GALNS: variants seen among roughly 807,000 people sequenced by gnomAD.
GALNS encodes galactosamine (N-acetyl)-6-sulfatase.
GALNS carries 65 observed loss-of-function variants against 65.9 expected under a neutral mutation model. The ratio of observed to expected loss-of-function variants is 0.99; its 90% CI spans 0.81 to 1.21. The LOEUF (loss-of-function observed/expected upper bound fraction) is 1.21, where lower values mean the gene tolerates loss of function less well. GALNS is among the 50% of genes most tolerant of loss of function. GALNS has a pLI of 0.00. For synonymous variants in GALNS, 346 were observed against 288.9 expected (o/e 1.20, Z -2.00); for missense variants, 776 against 700.7 (o/e 1.11, Z -1.21).
chr16:88,841,633 G>A (rs1334646492), intron 3 of GALNS, among the ~76,000 whole-genome samples: 1 of 152,222 alleles, frequency 6.6e-6, no homozygotes, highest in Non-Finnish European at 1.5e-5. Context: ...CACCCGCCTG[G>A]GGAGTGGGAG....
rs777768649 is a variant in GALNS, at chr16:88,841,036, C to T, written c.378G>A (p.Glu126=). 6.8e-6 allele frequency: 11 copies of T among 1,613,248 alleles called. No homozygotes were observed. Among genetic ancestry groups the T allele is most frequent in the Middle Eastern group, 1.6e-4 (1 of 6,062 alleles). The change falls in exon 4 of 14, where the codon GAG becomes GAA. Residue 126 remains glutamate (E), a synonymous_variant. Coordinates refer to ENST00000268695, the MANE Select transcript of GALNS (RefSeq NM_000512.5). The stretch of plus-strand genomic sequence containing the variant: ...TGACGTAGCCGGCCTTCTTCAGAAG[C>T]TCCGGCAGGAGCTGCTCCGAGTCTG... ...GIPDSEQLLP[E]LLKKAGYVSK...
intron 13 of GALNS, among the ~76,000 whole-genome samples, chr16:88,817,573 T>G (rs1285613848): frequency 1.3e-5 from 2 of 152,162 alleles, no homozygotes; most frequent in Admixed American, 6.5e-5. Context: ...CGTTCCTGCC[T>G]CGGTGCCTTC....
In GALNS at chr16:88,856,799, C is replaced by T. The variant is rs200727146; in HGVS notation, c.79G>A (p.Ala27Thr). 6.5e-7 allele frequency: 1 copy of T among 1,537,560 alleles called. No individual in the cohort carries two copies. Among genetic ancestry groups the T allele is most frequent in the Non-Finnish European group, 8.7e-7 (1 of 1,152,922 alleles). Reference sequence around the variant, plus strand: ...AGCAGGATGTTGGGGGGCTGCGGGGCGCCCGAGGCCCCCATCCCCGCGGCG... The same window carrying T: ...AGCAGGATGTTGGGGGGCTGCGGGGTGCCCGAGGCCCCCATCCCCGCGGCG... ...LSAAGMGASG[A>T]PQPPNILLLL... The change falls in exon 1 of 14, where the codon GCC becomes ACC. Residue 27 changes from alanine to threonine, a missense_variant. Coordinates refer to ENST00000268695, the MANE Select transcript of GALNS (RefSeq NM_000512.5).
chr16:88,856,717 G>A, intron 1 of GALNS, 41 bp downstream of exon 1: 1 of 438,864 alleles, frequency 2.3e-6, no homozygotes, highest in Non-Finnish European at 4.2e-6. Context: ...TCCCCTCCCC[G>A]CCCCACCCCG....
intron 5 of GALNS, among the ~76,000 whole-genome samples, chr16:88,836,941 G>A (rs985372330): frequency 6.6e-6 from 1 of 152,192 alleles, no homozygotes; most frequent in Admixed American, 6.5e-5. Flanking sequence ...CCCAGCCTGT[G>A]ACTAATGCCA....
intron 10 of GALNS, among the ~76,000 whole-genome samples, chr16:88,825,996 G>A (rs1406017717): frequency 6.6e-6 from 1 of 152,182 alleles, no homozygotes; most frequent in Non-Finnish European, 1.5e-5. Context: ...CAGGGGGTAG[G>A]AAATGGACTT....
intron 3 of GALNS, among the ~76,000 whole-genome samples, chr16:88,841,417 G>C (rs1195904605): frequency 6.6e-6 from 1 of 152,104 alleles, no homozygotes; most frequent in Non-Finnish European, 1.5e-5. Flanking sequence ...TGGTCTCCAG[G>C]GGTCTCTGGA....
chr16:88,836,834 G>A (rs933284839), intron 5 of GALNS, among the ~76,000 whole-genome samples: 1 of 152,142 alleles, frequency 6.6e-6, no homozygotes, highest in African/African-American at 2.4e-5. Flanking sequence ...CGACACCAAG[G>A]TGAAGGCAGT....
chr16:88,816,949 T>C (rs984784305), intron 13 of GALNS: 3 of 985,288 alleles, frequency 3.0e-6, no homozygotes, highest in Non-Finnish European at 3.6e-6. Flanking sequence ...GCCTCGAGGC[T>C]GGGCTCGGCC....
At chr16:88,827,799 T>A (rs147312650) in intron 9 of GALNS, among the ~76,000 whole-genome samples, 6,313 of 152,170 alleles carry the variant, frequency 0.041, 163 homozygotes, top group South Asian at 0.083. Context: ...GAGACTGGGG[T>A]GGGGCTGGAG....
chr16:88,848,031 C>G (rs1033135928), intron 1 of GALNS, among the ~76,000 whole-genome samples: 57 of 152,218 alleles, frequency 3.7e-4, no homozygotes, highest in African/African-American at 1.4e-3. Flanking sequence ...GAATGGAGTC[C>G]TCACACAGGC....
chr16:88,851,219 A>G (rs553353350), intron 1 of GALNS, among the ~76,000 whole-genome samples: 2 of 152,256 alleles, frequency 1.3e-5, no homozygotes, highest in East Asian at 3.9e-4. Flanking sequence ...CTCTCCCTTA[A>G]AAGTCCTAAA....
chr16:88,839,341 C>T (rs1439515107), intron 4 of GALNS, among the ~76,000 whole-genome samples: 2 of 152,236 alleles, frequency 1.3e-5, no homozygotes, highest in African/African-American at 4.8e-5. Flanking sequence ...CTTCCACGTC[C>T]GCAGCACAAA....
rs1427287935 is a variant in GALNS, at chr16:88,856,812, C to A, written c.66G>T (p.Met22Ile). 3 of 1,536,904 alleles carry A rather than the reference C, an allele frequency of 2.0e-6. No homozygotes were observed. Among genetic ancestry groups the A allele is most frequent in the African/African-American group, 2.8e-5 (2 of 70,614 alleles). The change falls in exon 1 of 14, where the codon ATG becomes ATT. Residue 22 changes from methionine to isoleucine, a missense_variant. By Grantham distance (10) the Met-to-Ile change is conservative. Transcript: ENST00000268695. ...QLLLVLSAAG[M>I]GASGAPQPPN... ...GGGGCTGCGGGGCGCCCGAGGCCCC[C>A]ATCCCCGCGGCGCTGAGCACCAGCA...
At chr16:88,838,674 C>G (rs550026015) in intron 4 of GALNS, 1 of 152,590 alleles carries the variant, frequency 6.6e-6, no homozygotes, top group South Asian at 2.1e-4. Context: ...GCAGCCTGTC[C>G]TGTCCTGGAA....
At chr16:88,832,373 C>A (rs1055563712) in intron 8 of GALNS, among the ~76,000 whole-genome samples, 6 of 152,198 alleles carry the variant, frequency 3.9e-5, no homozygotes, top group Non-Finnish European at 7.3e-5. Context: ...CAGAGAGGTA[C>A]ACTCCCGCAG....
chr16:88,814,050 A>G lies in GALNS; in HGVS notation c.*389T>C, dbSNP rs1035511320. 4 of 361,988 alleles carry G rather than the reference A, an allele frequency of 1.1e-5. No individual in the cohort carries two copies. The highest frequency in any genetic ancestry group is 2.3e-5 in the South Asian group (1 of 42,720). 22.4% of individuals were successfully genotyped at this position (361,988 alleles called of 1,614,324 possible). On this transcript the variant is annotated 3_prime_UTR_variant, in exon 14 of 14. Coordinates refer to ENST00000268695, the MANE Select transcript of GALNS (RefSeq NM_000512.5). Reference sequence around the variant, plus strand: ...GTGTCTCCCTAAGATGTATAAAGGCAAACTGTATCCCCAGCCACCTCAGGC... The same window carrying G: ...GTGTCTCCCTAAGATGTATAAAGGCGAACTGTATCCCCAGCCACCTCAGGC...
At chr16:88,855,848 G>A (rs1347859071) in intron 1 of GALNS, 9 of 503,248 alleles carry the variant, frequency 1.8e-5, no homozygotes, top group East Asian at 1.4e-4. Flanking sequence ...GCTGGTCGGA[G>A]CCAGCACACA....
In GALNS at chr16:88,813,936, A is replaced by C. The variant is rs573836350; in HGVS notation, c.*503T>G. On this transcript the variant is annotated 3_prime_UTR_variant, in exon 14 of 14. Coordinates refer to ENST00000268695, the MANE Select transcript of GALNS (RefSeq NM_000512.5). ...ATTGCCCCGTTCCCTTACTGTTTACATAAAAATGCGGATTCACTGGGCCAG... is the reference window on the plus strand; with the variant it reads ...ATTGCCCCGTTCCCTTACTGTTTACCTAAAAATGCGGATTCACTGGGCCAG... 46 of 204,158 alleles carry C rather than the reference A, an allele frequency of 2.3e-4. No individual in the cohort carries two copies. The South Asian group carries it at 3.6e-3, about 16-fold the overall frequency. The allele number at this position is 204,158 out of a possible 1,614,324, so 12.6% of individuals were successfully genotyped here. A position where few individuals can be genotyped will look rare whatever the true frequency, so the allele number is the denominator to read the frequency against.
Sources: gnomAD v4.1 joint callset for allele counts (sites outside exome capture counted in the v4.1 genomes callset) on GRCh38, gnomAD v4.1.1 for gene constraint, MANE v1.5 for transcripts, NCBI Gene and HGNC (gene_info 2026-07-23, HGNC 2026-07-21) for gene names.